RPF2: variants seen among roughly 807,000 people sequenced by gnomAD.
RPF2 encodes the protein brix domain containing 1.
RPF2 carries 21 observed loss-of-function variants against 38.9 expected under a neutral mutation model. The observed-to-expected ratio is 0.54, with a 90% CI of 0.38 to 0.78. The LOEUF is 0.78. Among genes scored for constraint, RPF2 ranks in the 30% least tolerant of loss-of-function variants. The probability of loss-of-function intolerance (pLI) is 0.00; values close to 1 mark genes in which losing one functional copy is unlikely to be tolerated. For missense variants in RPF2, 314 were observed against 358.1 expected (o/e 0.88, Z 0.99); for synonymous variants, 121 against 126.2 (o/e 0.96, Z 0.28).
intron 2 of RPF2, 140 bp downstream of exon 2, chr6:110,985,278 G>A: frequency 3.0e-6 from 2 of 665,024 alleles, no homozygotes; most frequent in Non-Finnish European, 2.4e-6. Flanking sequence ...AGCTAAAGTT[G>A]GGGGTTTATT....
At chr6:111,009,940 T>C (rs1200113649) in intron 7 of RPF2, among the ~76,000 whole-genome samples, 1 of 152,092 alleles carries the variant, frequency 6.6e-6, no homozygotes, top group East Asian at 1.9e-4. Flanking sequence ...CTCAGAGTGC[T>C]GGGATTACAG....
At chr6:111,022,348 T>G (rs1305262154) in intron 8 of RPF2, among the ~76,000 whole-genome samples, 2 of 152,188 alleles carry the variant, frequency 1.3e-5, no homozygotes, top group Non-Finnish European at 2.9e-5. Flanking sequence ...ATGTAGAAAT[T>G]ACCAGTTAGC....
intron 6 of RPF2, among the ~76,000 whole-genome samples, chr6:111,003,832 G>A (rs544953358): frequency 5.2e-4 from 79 of 151,892 alleles, no homozygotes; most frequent in Non-Finnish European, 8.7e-4. Context: ...CTCCCCCACC[G>A]ACGGAGTTTT....
At chr6:110,982,296 G>A (rs989999599) in intron 1 of RPF2, 167 bp downstream of exon 1, 1 of 721,822 alleles carries the variant, frequency 1.4e-6, no homozygotes, top group African/African-American at 1.8e-5. Context: ...TGCTTGCCAG[G>A]AGACAGTGGG....
At position 111,012,805 on chromosome 6, in the gene RPF2, G is replaced by A. The variant is rs181054760; in HGVS notation, c.494-2949G>A. 6.9e-4 allele frequency among the ~76,000 whole-genome samples: 105 copies of A among 152,258 alleles called. 1 individual carries two copies. The highest frequency in any genetic ancestry group is 2.2e-3 in the Admixed American group (34 of 15,280). On this transcript the variant is annotated intron_variant, in intron 7 of 9. Coordinates refer to ENST00000441448, the MANE Select transcript of RPF2 (RefSeq NM_032194.3). ...CTGCCCCAGCCTCCTGAGTAGCTGG[G>A]ATTACAGGCATTCACCACCATGCCT...
At position 111,024,112 on chromosome 6, in the gene RPF2, AC is replaced by A. The variant is rs1212620949; in HGVS notation, c.597-70del. 3 of 1,366,056 alleles carry A rather than the reference AC, an allele frequency of 2.2e-6. No homozygotes were observed. The African/African-American group carries it at 4.4e-5, about 20-fold the overall frequency. 84.6% of individuals were successfully genotyped at this position (1,366,056 alleles called of 1,614,324 possible). A position where few individuals can be genotyped will look rare whatever the true frequency, so the allele number is the denominator to read the frequency against. ...TTTAATGGAATTGTAAATCCCCTGA[AC>A]AAAAAATATTTGGTGGAGAGGACTT... is the stretch of plus-strand genomic sequence containing the variant. On this transcript the variant is annotated intron_variant, in intron 8 of 9. Transcript: ENST00000441448.
intron 8 of RPF2, among the ~76,000 whole-genome samples, chr6:111,021,636 C>A (rs766057168): frequency 6.6e-6 from 1 of 152,250 alleles, no homozygotes; most frequent in East Asian, 1.9e-4. Context: ...ATAGCAATAC[C>A]ATTTAGATAA....
intron 8 of RPF2, among the ~76,000 whole-genome samples, chr6:111,020,711 A>G (rs1327166028): frequency 6.6e-6 from 1 of 152,080 alleles, no homozygotes; most frequent in Non-Finnish European, 1.5e-5. Context: ...AAATATAAAA[A>G]TTAGCCGGGC....
chr6:110,985,814 T>A (rs1392028799), intron 2 of RPF2, among the ~76,000 whole-genome samples: 1 of 151,814 alleles, frequency 6.6e-6, no homozygotes, highest in Non-Finnish European at 1.5e-5. Flanking sequence ...GGCGGGCGCC[T>A]GTAGTCCCAG....
rs749211309 is a variant in RPF2, at chr6:111,015,739, A to C, written c.494-15A>C. 1.4e-5 allele frequency: 22 copies of C among 1,524,030 alleles called. No individual in the cohort carries two copies. Among genetic ancestry groups the C allele is most frequent in the Non-Finnish European group, 2.0e-5 (22 of 1,100,470 alleles). The allele number at this position is 1,524,030 out of a possible 1,614,324, so 94.4% of individuals were successfully genotyped here. ...ATTTGTTTTGTTTTGTTAATAATTT[A>C]ATATGTGCTTTTAGATTTCTTCAGA... On this transcript the variant is annotated splice_polypyrimidine_tract_variant and intron_variant, in intron 7 of 9. Coordinates refer to ENST00000441448, the MANE Select transcript of RPF2 (RefSeq NM_032194.3).
At chr6:111,018,638 G>C (rs200231888) in intron 8 of RPF2, among the ~76,000 whole-genome samples, 1 of 151,168 alleles carries the variant, frequency 6.6e-6, no homozygotes, top group African/African-American at 2.4e-5. Context: ...TTAAATCAGA[G>C]ACATTTAGTT....
chr6:111,018,206 G>C (rs1267318364), intron 8 of RPF2, among the ~76,000 whole-genome samples: 3 of 147,950 alleles, frequency 2.0e-5, no homozygotes, highest in Non-Finnish European at 4.4e-5. Context: ...GACCGGGGAG[G>C]GGGAGGGGGA....
intron 3 of RPF2, among the ~76,000 whole-genome samples, chr6:110,991,315 C>T (rs1407929734): frequency 3.3e-5 from 5 of 150,364 alleles, no homozygotes; most frequent in East Asian, 1.9e-4. Flanking sequence ...TTTTTAGAGA[C>T]GGGGTCTCAC....
At chr6:111,009,705 G>T (rs542439222) in intron 7 of RPF2, among the ~76,000 whole-genome samples, 1 of 152,154 alleles carries the variant, frequency 6.6e-6, no homozygotes, top group East Asian at 1.9e-4. Flanking sequence ...GGCAAGTCGT[G>T]TTCTGATGCC....
At chr6:110,985,411 C>G (rs1771507584) in intron 2 of RPF2, among the ~76,000 whole-genome samples, 1 of 152,118 alleles carries the variant, frequency 6.6e-6, no homozygotes, top group African/African-American at 2.4e-5. Flanking sequence ...AAACTGTTTT[C>G]AATTACTAGA....
chr6:111,012,627 A>G (rs1772039773), intron 7 of RPF2, among the ~76,000 whole-genome samples: 2 of 152,126 alleles, frequency 1.3e-5, no homozygotes, highest in African/African-American at 4.8e-5. Context: ...GTGGCATATT[A>G]AAGTTTTGAA....
chr6:111,013,626 G>A (rs1013540787), intron 7 of RPF2, among the ~76,000 whole-genome samples: 3 of 152,116 alleles, frequency 2.0e-5, no homozygotes, highest in Non-Finnish European at 4.4e-5. Context: ...AAGCACAGAT[G>A]TCCTGAAAAT....
At position 110,994,742 on chromosome 6, in the gene RPF2, C is replaced by T. The variant is rs911612541; in HGVS notation, c.235-2441C>T. Among the ~76,000 whole-genome samples the T allele has an allele frequency of 0.028, 2,984 of 107,188 alleles. 432 individuals are homozygous for T. In the East Asian group the frequency reaches 0.48, roughly 17 times the overall value. 70.3% of individuals were successfully genotyped at this position (107,188 alleles called of 152,430 possible). On this transcript the variant is annotated intron_variant, in intron 4 of 9. Coordinates refer to ENST00000441448, the MANE Select transcript of RPF2 (RefSeq NM_032194.3). ...AATGGGATGAGTATATATACACACA[C>T]ACACACACACACACACACACACACA... is the stretch of plus-strand genomic sequence containing the variant.
chr6:111,011,751 G>A (rs2114336187), intron 7 of RPF2, among the ~76,000 whole-genome samples: 2 of 152,254 alleles, frequency 1.3e-5, no homozygotes, highest in African/African-American at 4.8e-5. Flanking sequence ...TTATAACAGA[G>A]AGAGCTTTTG....
Sources: allele counts gnomAD v4.1 joint callset (sites outside exome capture counted in the v4.1 genomes callset), GRCh38; gene constraint gnomAD v4.1.1; transcripts MANE v1.5; gene names NCBI Gene and HGNC (gene_info 2026-07-23, HGNC 2026-07-21).